Variants in PCSK5 observed in about 807,000 individuals in gnomAD.
The protein encoded by PCSK5 is prohormone convertase 5.
In PCSK5, 129 loss-of-function variants were observed where a neutral mutation model predicts 233.2. The ratio of observed to expected loss-of-function variants is 0.55; its 90% CI spans 0.48 to 0.64. The LOEUF (loss-of-function observed/expected upper bound fraction) is 0.64. PCSK5 is among the 30% of genes least tolerant of loss of function. The pLI is 0.00. For synonymous variants in PCSK5, 825 were observed against 879.2 expected (o/e 0.94, Z 1.09); for missense variants, 2,076 against 2,430.1 (o/e 0.85, Z 3.06).
chr9:75,939,630 T>C (rs896924176), intron 2 of PCSK5, among the ~76,000 whole-genome samples: 3 of 152,150 alleles, frequency 2.0e-5, no homozygotes, highest in Non-Finnish European at 2.9e-5. Flanking sequence ...AAAACTAAAA[T>C]CCTAACTTTT....
At position 76,361,693 on chromosome 9, in the gene PCSK5, A is replaced by C. The variant is rs943443787; in HGVS notation, c.*2771A>C. 11 of 152,320 alleles carry C rather than the reference A, an allele frequency of 7.2e-5. No homozygotes were observed. The highest frequency in any genetic ancestry group is 2.4e-4 in the African/African-American group (10 of 41,564). 9.4% of individuals were successfully genotyped at this position (152,320 alleles called of 1,614,324 possible). A position where few individuals can be genotyped will look rare whatever the true frequency, so the allele number is the denominator to read the frequency against. On this transcript the variant is annotated 3_prime_UTR_variant, in exon 38 of 38. Transcript: ENST00000674117. ...CTTCAGCCTGAATGACAGAGCTAAG[A>C]CCCTGACTCAAAATAAATAAATAAC...
chr9:76,230,640 T>A (rs1826050970), intron 21 of PCSK5, among the ~76,000 whole-genome samples: 4 of 152,220 alleles, frequency 2.6e-5, no homozygotes, highest in Non-Finnish European at 5.9e-5. Flanking sequence ...TCTGTATTTA[T>A]AGCCACTCCC....
chr9:75,945,559 T>C (rs1330872507), intron 2 of PCSK5, among the ~76,000 whole-genome samples: 1 of 152,216 alleles, frequency 6.6e-6, no homozygotes, highest in African/African-American at 2.4e-5. Context: ...GCTGTTCTTC[T>C]ACAGTCATTC....
intron 7 of PCSK5, among the ~76,000 whole-genome samples, chr9:76,085,120 G>A (rs891167207): frequency 6.6e-6 from 1 of 152,182 alleles, no homozygotes; most frequent in Non-Finnish European, 1.5e-5. Flanking sequence ...TGCGATAGCA[G>A]CTCCTGTCGA....
At chr9:76,211,595 C>G (rs1825329684) in intron 20 of PCSK5, among the ~76,000 whole-genome samples, 1 of 152,206 alleles carries the variant, frequency 6.6e-6, no homozygotes, top group Non-Finnish European at 1.5e-5. Flanking sequence ...CACCTGTAAT[C>G]CCAGCACTTG....
Position 76,056,161 on chromosome 9 carries a change from G to A in PCSK5, c.633-11794G>A, listed in dbSNP as rs569201502. ...AAGATGTTTGTTCCAAGAAAAGAGTGAAATATAAAGTCACCTTTCTCCCAC... is the reference window on the plus strand; with the variant it reads ...AAGATGTTTGTTCCAAGAAAAGAGTAAAATATAAAGTCACCTTTCTCCCAC... On this transcript the variant is annotated intron_variant, in intron 5 of 37. Transcript: ENST00000674117. Among the ~76,000 whole-genome samples, 17 of 152,264 alleles carry A rather than the reference G, an allele frequency of 1.1e-4. No individual in the cohort carries two copies. The South Asian group carries it at 3.5e-3, about 32-fold the overall frequency.
intron 2 of PCSK5, among the ~76,000 whole-genome samples, chr9:75,965,685 G>A (rs948360351): frequency 1.3e-5 from 2 of 152,058 alleles, no homozygotes; most frequent in Non-Finnish European, 2.9e-5. Context: ...TATTTAATCC[G>A]GGCACCCTGT....
At chr9:76,341,783 C>A (rs1017506397) in intron 35 of PCSK5, among the ~76,000 whole-genome samples, 8 of 152,184 alleles carry the variant, frequency 5.3e-5, no homozygotes, top group African/African-American at 1.9e-4. Context: ...ACAAGATGTT[C>A]CAGTATTCCT....
At chr9:76,033,867 CA>C (rs1300497454) in intron 5 of PCSK5, among the ~76,000 whole-genome samples, 1 of 152,076 alleles carries the variant, frequency 6.6e-6, no homozygotes, top group African/African-American at 2.4e-5. Context: ...ACAACCTAGT[CA>C]CCACCGCCCA....
chr9:76,288,990 G>A (rs1181367110), intron 24 of PCSK5, among the ~76,000 whole-genome samples: 1 of 152,156 alleles, frequency 6.6e-6, no homozygotes, highest in East Asian at 1.9e-4. Flanking sequence ...TGAAGGCGAT[G>A]TTGAAGCAGG....
At chr9:76,030,561 A>G (rs1031962941) in intron 5 of PCSK5, among the ~76,000 whole-genome samples, 1 of 149,912 alleles carries the variant, frequency 6.7e-6, no homozygotes. Context: ...ATACAATTTT[A>G]TAACACATAC....
intron 1 of PCSK5, among the ~76,000 whole-genome samples, chr9:75,930,379 G>A (rs1454121671): frequency 6.6e-6 from 1 of 152,108 alleles, no homozygotes; most frequent in African/African-American, 2.4e-5. Context: ...AGAGAGGCTG[G>A]GCCAGACCAC....
intron 20 of PCSK5, among the ~76,000 whole-genome samples, chr9:76,192,596 TCTTCTTGTGTTG>T (rs1824452700): frequency 1.2e-5 from 1 of 83,790 alleles, no homozygotes; most frequent in Admixed American, 1.4e-4. Flanking sequence ...CATGACTACT[TCTTCTTGTGTTG>T]AATTTAATTC....
intron 24 of PCSK5, among the ~76,000 whole-genome samples, chr9:76,289,297 C>G (rs1342681542): frequency 3.9e-5 from 6 of 152,232 alleles, no homozygotes; most frequent in African/African-American, 9.6e-5. Flanking sequence ...GTGTGAGGCT[C>G]TCTCTGAATT....
chr9:76,256,232 C>T (rs962632575), intron 24 of PCSK5, among the ~76,000 whole-genome samples: 1 of 152,192 alleles, frequency 6.6e-6, no homozygotes, highest in African/African-American at 2.4e-5. Flanking sequence ...GAGCAATTAG[C>T]TCATCATCTT....
intron 12 of PCSK5, among the ~76,000 whole-genome samples, chr9:76,162,551 A>T (rs1251110714): frequency 6.6e-6 from 1 of 152,132 alleles, no homozygotes; most frequent in East Asian, 1.9e-4. Flanking sequence ...GGGAAAAAAA[A>T]TGAAGAGGTC....
At chr9:76,303,891 G>C (rs1828695824) in intron 28 of PCSK5, among the ~76,000 whole-genome samples, 1 of 152,312 alleles carries the variant, frequency 6.6e-6, no homozygotes, top group Non-Finnish European at 1.5e-5. Context: ...AAACCAGGGG[G>C]CTGGCTGCAG....
intron 3 of PCSK5, among the ~76,000 whole-genome samples, chr9:75,987,372 C>G (rs1488760944): frequency 6.6e-6 from 1 of 152,174 alleles, no homozygotes; most frequent in Admixed American, 6.5e-5. Flanking sequence ...GCACTTTACA[C>G]TGTAGTTATT....
intron 3 of PCSK5, among the ~76,000 whole-genome samples, chr9:76,017,687 A>G (rs1408791597): frequency 1.3e-5 from 2 of 152,156 alleles, no homozygotes; most frequent in Admixed American, 1.3e-4. Context: ...CACAGACTGA[A>G]TAATCATCCT....
Sources: allele counts gnomAD v4.1 joint callset (sites outside exome capture counted in the v4.1 genomes callset), GRCh38; gene constraint gnomAD v4.1.1; transcripts MANE v1.5; gene names NCBI Gene and HGNC (gene_info 2026-07-23, HGNC 2026-07-21).